The following BANK1 variants were observed in gnomAD, a reference collection of about 807,000 sequenced individuals.
BANK1 encodes the protein B-cell scaffold protein with ankyrin repeats.
Under a neutral mutation model 94.5 loss-of-function variants are expected in BANK1, and 95 were observed. The observed-to-expected ratio is 1.00, with a 90% CI of 0.85 to 1.19. The LOEUF (loss-of-function observed/expected upper bound fraction) is 1.19, where lower values mean the gene tolerates loss of function less well. BANK1 is among the 50% of genes most tolerant of loss of function. The pLI is 0.00. For synonymous variants in BANK1, 334 were observed against 308.4 expected (o/e 1.08, Z -0.87); for missense variants, 987 against 932.2 (o/e 1.06, Z -0.77).
chr4:101,978,845 T>C (rs1725228605), intron 7 of BANK1, among the ~76,000 whole-genome samples: 2 of 152,086 alleles, frequency 1.3e-5, no homozygotes, highest in Admixed American at 6.6e-5. Context: ...CACACTTAAC[T>C]AACATCACCA....
rs187633104 is a variant in BANK1 at position 101,799,591 on chromosome 4, G to T, written c.70+8641G>T. ...TGACAGACCGGATTAAGAAAATTTGGTGGCCGGGCCTGGTGGCTCATGCCT... is the reference window on the plus strand; with the variant it reads ...TGACAGACCGGATTAAGAAAATTTGTTGGCCGGGCCTGGTGGCTCATGCCT... On this transcript the variant is annotated intron_variant, in intron 1 of 16. Coordinates refer to ENST00000322953, the MANE Select transcript of BANK1 (RefSeq NM_017935.5). Among the ~76,000 whole-genome samples, 1,111 of 152,268 alleles carry T rather than the reference G, an allele frequency of 7.3e-3. 24 individuals carry two copies. Among genetic ancestry groups the T allele is most frequent in the African/African-American group, 0.025 (1,047 of 41,558 alleles).
chr4:102,063,043 C>T (rs1440683800), intron 12 of BANK1, 32 bp from the exon 13 acceptor site: 10 of 1,586,208 alleles, frequency 6.3e-6, no homozygotes, highest in Non-Finnish European at 8.6e-6. Flanking sequence ...ATTTGAAAAT[C>T]ATAACTATGT....
intron 1 of BANK1, among the ~76,000 whole-genome samples, chr4:101,819,821 G>C (rs1339071761): frequency 6.6e-6 from 1 of 150,584 alleles, no homozygotes; most frequent in Non-Finnish European, 1.5e-5. Context: ...CTAGAGTAGA[G>C]GTCAGCAAAT....
intron 6 of BANK1, among the ~76,000 whole-genome samples, chr4:101,909,825 AG>A (rs1413493496): frequency 1.3e-5 from 2 of 152,228 alleles, no homozygotes; most frequent in Non-Finnish European, 2.9e-5. Context: ...AAATGTAAAA[AG>A]ACATGGGGCA....
chr4:101,901,811 A>T (rs1722295943), intron 6 of BANK1, among the ~76,000 whole-genome samples: 1 of 151,664 alleles, frequency 6.6e-6, no homozygotes, highest in African/African-American at 2.4e-5. Context: ...CCCAGGCTGG[A>T]GTGCAGTGGT....
intron 7 of BANK1, among the ~76,000 whole-genome samples, chr4:101,964,049 G>A (rs989308306): frequency 6.6e-6 from 1 of 152,104 alleles, no homozygotes; most frequent in African/African-American, 2.4e-5. Context: ...TTGGAAGTGG[G>A]AACTATCATT....
At chr4:101,952,564 G>A (rs755166352) in intron 7 of BANK1, among the ~76,000 whole-genome samples, 2 of 152,082 alleles carry the variant, frequency 1.3e-5, no homozygotes, top group Non-Finnish European at 2.9e-5. Context: ...TTGAGTGCTT[G>A]GCATATGATT....
At chr4:101,999,937 C>T (rs1450975669) in intron 7 of BANK1, among the ~76,000 whole-genome samples, 1 of 152,120 alleles carries the variant, frequency 6.6e-6, no homozygotes, top group African/African-American at 2.4e-5. Flanking sequence ...CAAGTAGAGA[C>T]AGAGATGAAT....
chr4:102,017,935 G>A (rs1726766686), intron 7 of BANK1, among the ~76,000 whole-genome samples: 1 of 152,038 alleles, frequency 6.6e-6, no homozygotes, highest in Admixed American at 6.5e-5. Context: ...TGTGGATGGA[G>A]TTCCTCCTTA....
At chr4:102,004,686 A>ATT (rs36019489) in intron 7 of BANK1, among the ~76,000 whole-genome samples, 13 of 152,216 alleles carry the variant, frequency 8.5e-5, no homozygotes, top group Non-Finnish European at 1.8e-4. Flanking sequence ...TCATAATAGC[A>ATT]TTTATTTCAG....
At chr4:101,901,953 G>A (rs555406324) in intron 6 of BANK1, among the ~76,000 whole-genome samples, 100 of 152,084 alleles carry the variant, frequency 6.6e-4, no homozygotes, top group Non-Finnish European at 1.2e-3. Context: ...GTAGAGACAG[G>A]GTTTCACCGT....
chr4:101,990,647 G>T (rs1178247212), intron 7 of BANK1, among the ~76,000 whole-genome samples: 4 of 152,106 alleles, frequency 2.6e-5, no homozygotes, highest in Admixed American at 6.6e-5. Context: ...AAGCAAGGAA[G>T]ATCTATATCC....
intron 7 of BANK1, among the ~76,000 whole-genome samples, chr4:101,945,781 G>A (rs1723906465): frequency 6.6e-6 from 1 of 151,916 alleles, no homozygotes; most frequent in Admixed American, 6.6e-5. Context: ...TTCGAAAGCT[G>A]AGTAGAAGCC....
At chr4:102,027,047 A>G (rs894450766) in intron 9 of BANK1, among the ~76,000 whole-genome samples, 2 of 152,148 alleles carry the variant, frequency 1.3e-5, no homozygotes, top group Non-Finnish European at 2.9e-5. Flanking sequence ...TGGACCCTCA[A>G]CATTTATCCA....
chr4:101,945,795 T>C (rs1159083110), intron 7 of BANK1, among the ~76,000 whole-genome samples: 2 of 151,948 alleles, frequency 1.3e-5, no homozygotes, highest in Non-Finnish European at 2.9e-5. Flanking sequence ...AGAAGCCTAT[T>C]GAAATGTATT....
Position 101,798,457 on chromosome 4 carries a change from T to C in BANK1, c.70+7507T>C, listed in dbSNP as rs1446621561. On this transcript the variant is annotated intron_variant, in intron 1 of 16. Coordinates refer to ENST00000322953, the MANE Select transcript of BANK1 (RefSeq NM_017935.5). The stretch of plus-strand genomic sequence containing the variant: ...ATTCCATTAGTAATACATTTTAATG[T>C]GTAGATTTTCTTATGTGTTTAAGAA... Among the ~76,000 whole-genome samples the C allele has an allele frequency of 2.0e-5, 3 of 152,216 alleles. No homozygotes were observed. The East Asian group carries it at 5.8e-4, about 29-fold the overall frequency.
intron 7 of BANK1, among the ~76,000 whole-genome samples, chr4:101,932,734 C>T (rs1560639137): frequency 6.6e-6 from 1 of 151,442 alleles, no homozygotes; most frequent in Non-Finnish European, 1.5e-5. Flanking sequence ...CCGCTCATTC[C>T]TCTGGGAAAA....
At chr4:101,903,623 G>A (rs1722352482) in intron 6 of BANK1, among the ~76,000 whole-genome samples, 1 of 152,174 alleles carries the variant, frequency 6.6e-6, no homozygotes, top group Non-Finnish European at 1.5e-5. Flanking sequence ...CTCTGCCTCA[G>A]CCTCCTTTGT....
intron 11 of BANK1, among the ~76,000 whole-genome samples, chr4:102,053,169 A>G (rs1728111053): frequency 6.6e-6 from 1 of 152,154 alleles, no homozygotes; most frequent in Admixed American, 6.5e-5. Context: ...CAACTCAAGT[A>G]TGACAGGTTT....
Sources: gnomAD v4.1 joint callset for allele counts (sites outside exome capture counted in the v4.1 genomes callset) on GRCh38, gnomAD v4.1.1 for gene constraint, MANE v1.5 for transcripts, NCBI Gene and HGNC (gene_info 2026-07-23, HGNC 2026-07-21) for gene names.